The following ATG7 variants were observed in gnomAD, a reference collection of about 807,000 sequenced individuals.
ATG7 encodes the protein autophagy related 7, also known as ubiquitin-like modifier-activating enzyme ATG7.
Under a neutral mutation model 82.4 loss-of-function variants are expected in ATG7, and 70 were observed. The ratio of observed to expected loss-of-function variants is 0.85; its 90% CI spans 0.70 to 1.04. The LOEUF (loss-of-function observed/expected upper bound fraction) is 1.04. Among genes scored for constraint, ATG7 ranks in the 50% least tolerant of loss-of-function variants. The pLI, the probability that ATG7 is intolerant of heterozygous loss-of-function variation, is 0.00. For missense variants in ATG7, 792 were observed against 864.3 expected, an observed-to-expected ratio of 0.92 and a Z score of 1.05; for synonymous variants, 287 against 313.0, an observed-to-expected ratio of 0.92 and a Z score of 0.88.
intron 20 of ATG7, among the ~76,000 whole-genome samples, chr3:11,434,355 G>C (rs1447539311): frequency 6.6e-6 from 1 of 152,166 alleles, no homozygotes; most frequent in Non-Finnish European, 1.5e-5. Flanking sequence ...AATCGCTCTG[G>C]GGACTGAACT....
chr3:11,431,421 CT>C (rs1466017304), intron 20 of ATG7, among the ~76,000 whole-genome samples: 1 of 152,132 alleles, frequency 6.6e-6, no homozygotes, highest in African/African-American at 2.4e-5. Context: ...ACACACACAC[CT>C]TTTTAAAGTG....
Position 11,342,121 on chromosome 3 carries a change from CT to C in ATG7, c.981-13del. On this transcript the variant is annotated splice_polypyrimidine_tract_variant and intron_variant, in intron 12 of 20. Transcript: ENST00000693202. ...TAAAGGAGTGACTGAATAAGTAAAT[CT>C]CTCCTTTTCTAGGTTAGCTGAGTCA... The C allele has an allele frequency of 2.5e-6, 4 of 1,604,252 alleles. No homozygotes were observed. Among genetic ancestry groups the C allele is most frequent in the Non-Finnish European group, 3.4e-6 (4 of 1,176,592 alleles).
At chr3:11,346,753 C>T (rs1559441487) in intron 13 of ATG7, among the ~76,000 whole-genome samples, 2 of 152,228 alleles carry the variant, frequency 1.3e-5, no homozygotes. Context: ...TGACTTTATT[C>T]TGCCTCCATG....
intron 3 of ATG7, among the ~76,000 whole-genome samples, chr3:11,295,788 CT>C (rs751389083): frequency 0.08 from 7,511 of 93,464 alleles, 252 homozygotes; most frequent in African/African-American, 0.14. Context: ...TTCTTTCTTT[CT>C]TTTTTTTTTT....
intron 20 of ATG7, among the ~76,000 whole-genome samples, chr3:11,512,013 C>T (rs1351917437): frequency 6.6e-6 from 1 of 152,180 alleles, no homozygotes; most frequent in Non-Finnish European, 1.5e-5. Flanking sequence ...GGAGTGGGCT[C>T]CAGCCTTGGC....
Position 11,502,743 on chromosome 3 carries a change from G to A in ATG7, c.2080-52068G>A, listed in dbSNP as rs547449043. Among the ~76,000 whole-genome samples the A allele has an allele frequency of 6.7e-4, 102 of 152,246 alleles. 1 individual carries two copies. Among genetic ancestry groups the A allele is most frequent in the African/African-American group, 2.4e-3 (100 of 41,552 alleles). The stretch of plus-strand genomic sequence containing the variant: ...GCCAGTATTTCCCATAGAGCCTCCT[G>A]AAGACTTGGATTTGGGACTATAGAT... On this transcript the variant is annotated intron_variant, in intron 20 of 20. Transcript: ENST00000693202.
At chr3:11,352,803 C>G (rs964093487) in intron 14 of ATG7, among the ~76,000 whole-genome samples, 3 of 152,136 alleles carry the variant, frequency 2.0e-5, no homozygotes, top group Non-Finnish European at 4.4e-5. Flanking sequence ...CAGGGAAAGC[C>G]TTCTTAAGGA....
intron 1 of ATG7, among the ~76,000 whole-genome samples, chr3:11,278,044 C>G (rs536774436): frequency 6.6e-6 from 1 of 152,102 alleles, no homozygotes; most frequent in Non-Finnish European, 1.5e-5. Context: ...TCTGCCTGAC[C>G]CTGTAGGCAG....
chr3:11,570,749 T>C, the ATG7 span, among the ~76,000 whole-genome samples: 2 of 152,174 alleles, frequency 1.3e-5, no homozygotes, highest in Non-Finnish European at 2.9e-5. Context: ...TGAGATGTCT[T>C]CTCCCTTTTA....
At chr3:11,499,002 T>G (rs142426639) in intron 20 of ATG7, among the ~76,000 whole-genome samples, 7 of 152,316 alleles carry the variant, frequency 4.6e-5, no homozygotes, top group African/African-American at 1.7e-4. Context: ...GTCTCAGGAA[T>G]TACTCCACAG....
Position 11,530,022 on chromosome 3 carries a change from G to A in ATG7, c.2080-24789G>A, listed in dbSNP as rs576525059. On this transcript the variant is annotated intron_variant, in intron 20 of 20. Coordinates refer to ENST00000693202, the MANE Select transcript of ATG7 (RefSeq NM_001349232.2). ...GTGCATGTATGTGTTTTGGACAGAG[G>A]AGGACCTTCTACTTGGATCAGAGGT... Among the ~76,000 whole-genome samples the A allele has an allele frequency of 7.2e-5, 11 of 152,254 alleles. No homozygotes were observed. In the South Asian group the frequency reaches 1.7e-3, roughly 23 times the overall value.
intron 19 of ATG7, among the ~76,000 whole-genome samples, chr3:11,400,953 C>G (rs2079781220): frequency 6.6e-6 from 1 of 152,126 alleles, no homozygotes; most frequent in Non-Finnish European, 1.5e-5. Context: ...TGATATCACG[C>G]AAAGCAATTT....
the ATG7 span, among the ~76,000 whole-genome samples, chr3:11,568,152 C>G: frequency 6.6e-6 from 1 of 152,206 alleles, no homozygotes; most frequent in Non-Finnish European, 1.5e-5. This position sits in a 1 kb window ranked among gnomAD's most constrained non-coding sequence, Gnocchi z 5.9. Flanking sequence ...AAGACACCCC[C>G]GGGTGGCATG....
intron 19 of ATG7, among the ~76,000 whole-genome samples, chr3:11,387,934 C>T (rs1282676850): frequency 6.6e-6 from 1 of 152,194 alleles, no homozygotes; most frequent in African/African-American, 2.4e-5. Flanking sequence ...CACGCCACTG[C>T]ACTCCAGCCT....
Position 11,276,376 on chromosome 3 carries a change from C to G in ATG7, c.-366+3946C>G, listed in dbSNP as rs548752394. Among the ~76,000 whole-genome samples, 3 of 152,282 alleles carry G rather than the reference C, an allele frequency of 2.0e-5. No individual in the cohort carries two copies. In the South Asian group the frequency reaches 6.2e-4, roughly 32 times the overall value. On this transcript the variant is annotated intron_variant, in intron 1 of 20. Coordinates refer to ENST00000693202, the MANE Select transcript of ATG7 (RefSeq NM_001349232.2). ...CAAGGACTGGGTTCCATCATTTGTT[C>G]ATTTTCTTTTCTGTTTCATCAACCC...
At chr3:11,339,658 T>C (rs998993774) in intron 11 of ATG7, among the ~76,000 whole-genome samples, 3 of 152,242 alleles carry the variant, frequency 2.0e-5, no homozygotes, top group African/African-American at 7.2e-5. Context: ...AGGTGTGTTC[T>C]GCAAAGCAAT....
At chr3:11,574,219 G>A in the ATG7 span, among the ~76,000 whole-genome samples, 3 of 152,128 alleles carry the variant, frequency 2.0e-5, no homozygotes, top group South Asian at 2.1e-4. Context: ...GTACCCACCC[G>A]CTGCCTTGCT....
At chr3:11,479,520 C>T (rs569289267) in intron 20 of ATG7, among the ~76,000 whole-genome samples, 5 of 152,286 alleles carry the variant, frequency 3.3e-5, no homozygotes, top group African/African-American at 9.6e-5. Context: ...TGGAGCAGTG[C>T]ATCTTTCAAC....
intron 20 of ATG7, among the ~76,000 whole-genome samples, chr3:11,458,327 C>A (rs192773821): frequency 6.6e-6 from 1 of 152,078 alleles, no homozygotes; most frequent in Non-Finnish European, 1.5e-5. Flanking sequence ...GCAGCGGCAC[C>A]ATCTCCGCTC....
Sources: gnomAD v4.1 joint callset for allele counts (sites outside exome capture counted in the v4.1 genomes callset) on GRCh38, gnomAD v4.1.1 for gene constraint, Gnocchi (gnomAD v3.1) non-coding constraint, MANE v1.5 for transcripts, NCBI Gene and HGNC (gene_info 2026-07-23, HGNC 2026-07-21) for gene names.